The following TRIQK variants were observed in gnomAD, a reference collection of about 807,000 sequenced individuals.
The protein encoded by TRIQK is triple QxxK/R motif containing.
TRIQK carries 10 observed loss-of-function variants against 10.8 expected under a neutral mutation model. The observed-to-expected ratio is 0.92, with a 90% CI of 0.57 to 1.57. The LOEUF (loss-of-function observed/expected upper bound fraction) is 1.57. TRIQK is among the 40% of genes most tolerant of loss of function. TRIQK has a pLI of 0.00. For missense variants in TRIQK, 107 were observed against 97.7 expected, an observed-to-expected ratio of 1.09 and a Z score of -0.40; for synonymous variants, 33 against 33.7, an observed-to-expected ratio of 0.98 and a Z score of 0.07.
chr8:92,913,423 C>G (rs376890214), intron 3 of TRIQK, among the ~76,000 whole-genome samples: 1 of 152,142 alleles, frequency 6.6e-6, no homozygotes, highest in Non-Finnish European at 1.5e-5. Flanking sequence ...AGTGAGACAC[C>G]ATCTCATGAC....
intron 3 of TRIQK, among the ~76,000 whole-genome samples, chr8:92,907,524 A>C (rs1052854235): frequency 6.6e-6 from 1 of 152,202 alleles, no homozygotes; most frequent in Non-Finnish European, 1.5e-5. Context: ...TATGAGTATT[A>C]ACTAAAAGCA....
chr8:92,948,952 T>C (rs1344714039), intron 2 of TRIQK, among the ~76,000 whole-genome samples: 1 of 152,230 alleles, frequency 6.6e-6, no homozygotes, highest in African/African-American at 2.4e-5. Context: ...AACCGACTTT[T>C]GTGCCAATCA....
chr8:92,978,578 T>C (rs1040626892), intron 1 of TRIQK, among the ~76,000 whole-genome samples: 1 of 152,132 alleles, frequency 6.6e-6, no homozygotes, highest in African/African-American at 2.4e-5. Context: ...GCAGTAAGAA[T>C]AAAGTCCACT....
rs977455354 is a variant in TRIQK, at chr8:92,903,852, A to T, written c.62-11778T>A. Among the ~76,000 whole-genome samples, 3 of 152,126 alleles carry T rather than the reference A, an allele frequency of 2.0e-5. No homozygotes were observed. The South Asian group carries it at 6.2e-4, about 31-fold the overall frequency. On this transcript the variant is annotated intron_variant, in intron 3 of 4. Transcript: ENST00000521988. ...TGTTATCCCAAACCTTGTGTAAAAG[A>T]CAAATAATAAACAAACAAAAATTGT... is the stretch of plus-strand genomic sequence containing the variant.
intron 1 of TRIQK, among the ~76,000 whole-genome samples, chr8:93,011,179 TACACACACACAC>T (rs553408139): frequency 7.2e-6 from 1 of 138,750 alleles, no homozygotes; most frequent in Non-Finnish European, 1.6e-5. Context: ...TACACATACA[TACACACACACAC>T]ACACACACAC....
intron 3 of TRIQK, among the ~76,000 whole-genome samples, chr8:92,900,534 A>G (rs1808876771): frequency 6.6e-6 from 1 of 152,162 alleles, no homozygotes; most frequent in South Asian, 2.1e-4. Flanking sequence ...ACCTTTATCA[A>G]AAATGAGCTC....
intron 1 of TRIQK, among the ~76,000 whole-genome samples, chr8:92,983,099 A>G (rs1813001608): frequency 6.6e-6 from 1 of 152,056 alleles, no homozygotes; most frequent in Admixed American, 6.6e-5. Context: ...GAAATTGTAT[A>G]TTTTAAAAAA....
chr8:92,987,765 G>A (rs1055557422), intron 1 of TRIQK, among the ~76,000 whole-genome samples: 3 of 151,924 alleles, frequency 2.0e-5, no homozygotes, highest in Non-Finnish European at 4.4e-5. Flanking sequence ...TACTATGCAC[G>A]TATTAAAATC....
Position 92,921,378 on chromosome 8 carries a change from T to C in TRIQK, c.-21-4368A>G, listed in dbSNP as rs1810174355. 5 of 151,140 alleles carry C rather than the reference T, an allele frequency of 3.3e-5. No homozygotes were observed. In the South Asian group the frequency reaches 1.0e-3, roughly 31 times the overall value. 9.4% of individuals were successfully genotyped at this position (151,140 alleles called of 1,614,324 possible). A position where few individuals can be genotyped will look rare whatever the true frequency, so the allele number is the denominator to read the frequency against. ...CTACTCACTAAAATACATGTTCTCC[T>C]TTTTTTTTCCTCTGGGTACTCTTGA... On this transcript the variant is annotated intron_variant, in intron 2 of 4. Coordinates refer to ENST00000521988, the MANE Select transcript of TRIQK (RefSeq NM_001171797.2).
chr8:92,987,909 A>T (rs1813053174), intron 1 of TRIQK, among the ~76,000 whole-genome samples: 2 of 152,072 alleles, frequency 1.3e-5, no homozygotes, highest in South Asian at 2.1e-4. Context: ...GATACAAAAG[A>T]CACAGATACA....
intron 4 of TRIQK, among the ~76,000 whole-genome samples, chr8:92,889,296 G>A (rs1369850909): frequency 1.3e-5 from 2 of 151,416 alleles, no homozygotes; most frequent in Admixed American, 1.3e-4. Context: ...ATTTGATATG[G>A]TAATTAAATC....
At chr8:92,949,782 A>AAG (rs1272579300) in intron 2 of TRIQK, among the ~76,000 whole-genome samples, 2 of 72,044 alleles carry the variant, frequency 2.8e-5, no homozygotes, top group African/African-American at 1.3e-4. Flanking sequence ...GAAAGAAAGA[A>AAG]AAAGAAAGAA....
intron 2 of TRIQK, among the ~76,000 whole-genome samples, chr8:92,925,983 G>T (rs10112811): frequency 6.6e-6 from 1 of 151,936 alleles, no homozygotes; most frequent in South Asian, 2.1e-4. Flanking sequence ...GGGAGGCTGA[G>T]GCAGGAGAAT....
At chr8:92,948,464 CAAT>C (rs1453918979) in intron 2 of TRIQK, among the ~76,000 whole-genome samples, 1 of 152,132 alleles carries the variant, frequency 6.6e-6, no homozygotes, top group East Asian at 1.9e-4. Context: ...ATGAAATGAA[CAAT>C]GAGATTATCA....
intron 1 of TRIQK, among the ~76,000 whole-genome samples, chr8:92,981,373 G>A (rs911060822): frequency 6.6e-6 from 1 of 151,692 alleles, no homozygotes; most frequent in Non-Finnish European, 1.5e-5. Context: ...CTATCTATTA[G>A]ATCAAGCTCG....
In TRIQK at chr8:92,989,877, C is replaced by T. The variant is rs375301015; in HGVS notation, c.-181+27732G>A. ...AAGAATGTATTGACACATTTGACTA[C>T]GTAAAAGATTTTTTTACAGAAACCT... On this transcript the variant is annotated intron_variant, in intron 1 of 4. Transcript: ENST00000520686. 8.6e-5 allele frequency among the ~76,000 whole-genome samples: 13 copies of T among 151,392 alleles called. No individual in the cohort carries two copies. The East Asian group carries it at 1.2e-3, about 14-fold the overall frequency.
chr8:92,957,587 G>A, intron 1 of TRIQK, among the ~76,000 whole-genome samples: 1 of 151,766 alleles, frequency 6.6e-6, no homozygotes, highest in Non-Finnish European at 1.5e-5. Flanking sequence ...TTAAACATTG[G>A]TTTTAAATAT....
intron 3 of TRIQK, 55 bp from the exon 4 acceptor site, chr8:92,892,129 CA>C: frequency 8.2e-7 from 1 of 1,212,628 alleles, no homozygotes; most frequent in Non-Finnish European, 1.1e-6. Flanking sequence ...TTAAGTTTAA[CA>C]ATCATTTGAA....
At chr8:92,958,310 G>C (rs1812277724) in intron 1 of TRIQK, among the ~76,000 whole-genome samples, 1 of 151,824 alleles carries the variant, frequency 6.6e-6, no homozygotes, top group African/African-American at 2.4e-5. Context: ...CACCCTTCAA[G>C]ACCCCATTTC....
Sources: gnomAD v4.1 joint callset for allele counts (sites outside exome capture counted in the v4.1 genomes callset) on GRCh38, gnomAD v4.1.1 for gene constraint, MANE v1.5 for transcripts, NCBI Gene and HGNC (gene_info 2026-07-23, HGNC 2026-07-21) for gene names.